Variants in CFAP95 observed in about 807,000 individuals in gnomAD.
CFAP95 encodes the protein cilia and flagella associated protein 95, also known as cilia- and flagella-associated protein 95.
the CFAP95 span, among the ~76,000 whole-genome samples, chr9:69,885,729 T>C: frequency 1.3e-5 from 2 of 152,164 alleles, no homozygotes; most frequent in Admixed American, 1.3e-4. Flanking sequence ...TGTCCTCCAC[T>C]ATTCTTCAGC....
the CFAP95 span, among the ~76,000 whole-genome samples, chr9:69,896,712 G>A: frequency 1.3e-5 from 2 of 152,026 alleles, no homozygotes; most frequent in African/African-American, 4.8e-5. Flanking sequence ...AATCATTGGA[G>A]GAAAAAATAT....
At chr9:69,875,140 C>T in the CFAP95 span, among the ~76,000 whole-genome samples, 1 of 152,088 alleles carries the variant, frequency 6.6e-6, no homozygotes, top group Non-Finnish European at 1.5e-5. Context: ...AAAAGACCAC[C>T]TTATTTCAAA....
At chr9:69,885,603 G>A in the CFAP95 span, among the ~76,000 whole-genome samples, 1 of 152,124 alleles carries the variant, frequency 6.6e-6, no homozygotes, top group Non-Finnish European at 1.5e-5. Flanking sequence ...TTTCCCTTTT[G>A]GGCTTGGCTA....
chr9:69,851,696 G>A, the CFAP95 span, among the ~76,000 whole-genome samples: 1 of 152,032 alleles, frequency 6.6e-6, no homozygotes, highest in Non-Finnish European at 1.5e-5. Context: ...ATTTCTGCTA[G>A]AGACAGGAAA....
At chr9:69,905,655 T>C in the CFAP95 span, among the ~76,000 whole-genome samples, 3 of 152,322 alleles carry the variant, frequency 2.0e-5, no homozygotes, top group East Asian at 5.8e-4. Flanking sequence ...TATATGATCA[T>C]AAAATTTAAA....
the CFAP95 span, chr9:69,844,624 C>T: frequency 1.2e-6 from 2 of 1,600,984 alleles, no homozygotes; most frequent in Non-Finnish European, 1.7e-6. Flanking sequence ...GATGAATCCC[C>T]AGTAAGTAGT....
At chr9:69,841,164 T>TTTTATATA in the CFAP95 span, among the ~76,000 whole-genome samples, 469 of 56,070 alleles carry the variant, frequency 8.4e-3, 47 homozygotes, top group Non-Finnish European at 0.012. Flanking sequence ...CCAAGCTGGA[T>TTTTATATA]TATATATATA....
At chr9:69,823,431 A>C in the CFAP95 span, among the ~76,000 whole-genome samples, 1 of 152,176 alleles carries the variant, frequency 6.6e-6, no homozygotes, top group Non-Finnish European at 1.5e-5. Flanking sequence ...TAATGGTTAA[A>C]ACTCGGGCTC....
the CFAP95 span, among the ~76,000 whole-genome samples, chr9:69,849,357 GGGAGGGAGGAAGGGGA>G: frequency 6.6e-6 from 1 of 152,078 alleles, no homozygotes; most frequent in Non-Finnish European, 1.5e-5. Flanking sequence ...AAAGAAGGAA[GGGAGGGAGGAAGGGGA>G]GGAGGGAGGA....
At chr9:69,894,495 A>G in the CFAP95 span, among the ~76,000 whole-genome samples, 2 of 152,122 alleles carry the variant, frequency 1.3e-5, no homozygotes, top group East Asian at 3.8e-4. Flanking sequence ...ATGAAGTAAC[A>G]CTTATTGTCT....
At chr9:69,892,900 G>C in the CFAP95 span, among the ~76,000 whole-genome samples, 159 of 152,290 alleles carry the variant, frequency 1.0e-3, no homozygotes, top group African/African-American at 3.5e-3. Context: ...ATCCCACTGA[G>C]AGCCACTTCC....
the CFAP95 span, among the ~76,000 whole-genome samples, chr9:69,896,679 A>G: frequency 6.6e-6 from 1 of 152,218 alleles, no homozygotes; most frequent in African/African-American, 2.4e-5. Flanking sequence ...TACATTTGCC[A>G]ATTATTCTTA....
the CFAP95 span, among the ~76,000 whole-genome samples, chr9:69,841,362 G>C: frequency 6.6e-6 from 1 of 151,382 alleles, no homozygotes; most frequent in African/African-American, 2.4e-5. Context: ...CGGTTTTATT[G>C]CCTCAGGGAA....
the CFAP95 span, among the ~76,000 whole-genome samples, chr9:69,878,938 G>A: frequency 6.6e-6 from 1 of 152,120 alleles, no homozygotes; most frequent in Non-Finnish European, 1.5e-5. Flanking sequence ...GGCAGAAGCA[G>A]GAGCAAGAAA....
the CFAP95 span, among the ~76,000 whole-genome samples, chr9:69,838,743 G>A: frequency 1.4e-4 from 20 of 141,502 alleles, no homozygotes; most frequent in African/African-American, 5.2e-4. Flanking sequence ...CTGCCTAATT[G>A]CCCTGGCCAG....
At chr9:69,854,909 G>A in the CFAP95 span, among the ~76,000 whole-genome samples, 1 of 152,184 alleles carries the variant, frequency 6.6e-6, no homozygotes, top group African/African-American at 2.4e-5. Flanking sequence ...ACCCTCACTA[G>A]AGCTGTAGGT....
chr9:69,859,496 G>A, the CFAP95 span, among the ~76,000 whole-genome samples: 2 of 151,866 alleles, frequency 1.3e-5, no homozygotes, highest in African/African-American at 2.4e-5. Context: ...TTATTTGTTT[G>A]TATGGTATCC....
At chr9:69,863,003 A>G in the CFAP95 span, among the ~76,000 whole-genome samples, 9 of 152,238 alleles carry the variant, frequency 5.9e-5, no homozygotes, top group African/African-American at 2.2e-4. Context: ...TGCATCACAG[A>G]TGGAGGAGAT....
chr9:69,838,652 T>C, the CFAP95 span, among the ~76,000 whole-genome samples: 1 of 152,110 alleles, frequency 6.6e-6, no homozygotes, highest in Admixed American at 6.6e-5. Context: ...TGGGGTTTTC[T>C]AGATATATAA....
Sources: allele counts gnomAD v4.1 joint callset (sites outside exome capture counted in the v4.1 genomes callset), GRCh38; gene constraint gnomAD v4.1.1; transcripts MANE v1.5; gene names NCBI Gene and HGNC (gene_info 2026-07-23, HGNC 2026-07-21).